CCDC33: variants seen among roughly 807,000 people sequenced by gnomAD.
CCDC33 encodes the protein coiled-coil domain containing 33.
Under a neutral mutation model 91.9 loss-of-function variants are expected in CCDC33, and 94 were observed. The observed-to-expected ratio is 1.02, with a 90% CI of 0.87 to 1.21. CCDC33 has a LOEUF of 1.21. CCDC33 is among the 50% of genes most tolerant of loss of function. The pLI is 0.00. For missense variants in CCDC33, 940 were observed against 935.5 expected (o/e 1.00, Z -0.06); for synonymous variants, 396 against 374.5 (o/e 1.06, Z -0.66).
At chr15:74,224,129 C>T (rs1184501706) in intron 2 of CCDC33, among the ~76,000 whole-genome samples, 4 of 152,100 alleles carry the variant, frequency 2.6e-5, no homozygotes, top group East Asian at 1.9e-4. Context: ...GGGTGCAGAC[C>T]GGCACCATGG....
intron 5 of CCDC33, 34 bp downstream of exon 5, chr15:74,268,492 G>GC (rs776757144): frequency 6.8e-7 from 1 of 1,479,362 alleles, no homozygotes; most frequent in South Asian, 1.2e-5. Context: ...GGTGGTGGTG[G>GC]GGGTGGGAAA....
At chr15:74,300,734 GA>G (rs997282798) in intron 11 of CCDC33, 3 of 152,390 alleles carry the variant, frequency 2.0e-5, no homozygotes, top group Non-Finnish European at 4.4e-5. Context: ...GAGTGGAGAA[GA>G]GGAGGTCTAT....
At chr15:74,329,386 G>A (rs1408213695) in intron 11 of CCDC33, among the ~76,000 whole-genome samples, 1 of 152,146 alleles carries the variant, frequency 6.6e-6, no homozygotes, top group East Asian at 1.9e-4. Context: ...AATCAGTCTT[G>A]TAACTGAGCA....
intron 1 of CCDC33, chr15:74,208,051 A>C: frequency 7.6e-7 from 1 of 1,312,238 alleles, no homozygotes; most frequent in Non-Finnish European, 9.8e-7. Context: ...CATCATCATA[A>C]CATAAAGGAT....
chr15:74,233,841 C>A (rs1566955619), upstream of CCDC33, among the ~76,000 whole-genome samples: 1 of 152,228 alleles, frequency 6.6e-6, no homozygotes, highest in Non-Finnish European at 1.5e-5. Flanking sequence ...CAGCTTTGAG[C>A]TGCCATTTGC....
chr15:74,332,716 T>C lies in CCDC33; in HGVS notation c.1809T>C (p.Gly603=). The C allele has an allele frequency of 1.2e-6, 2 of 1,614,166 alleles. No individual in the cohort carries two copies. The highest frequency in any genetic ancestry group is 1.7e-6 in the Non-Finnish European group (2 of 1,180,012). The change falls in exon 16 of 19, where the codon GGT becomes GGC. Residue 603 remains glycine (G), a synonymous_variant. Transcript: ENST00000398814. ...PMLSASGLPL[G]SMGENLPVEL... The stretch of plus-strand genomic sequence containing the variant: ...TCTCAGCCTCTGGCCTTCCCTTGGG[T>C]TCTATGGGAGAGAACCTGCCGGTTG...
rs1181134422 is a variant in CCDC33, at chr15:74,332,760, T to C, written c.1853T>C (p.Leu618Pro). Residue 618 changes from leucine to proline, a missense_variant, in exon 16 of 19, where the codon CTG becomes CCG. By Grantham distance (98) the Leu-to-Pro change is moderately conservative. Coordinates refer to ENST00000398814, the MANE Select transcript of CCDC33 (RefSeq NM_025055.5). Reference sequence around the variant, plus strand: ...CCGGTTGAACTTTACTCGGTGCTGCTGGCAGAAAACGCGAAGCTGCGGACG... The same window carrying C: ...CCGGTTGAACTTTACTCGGTGCTGCCGGCAGAAAACGCGAAGCTGCGGACG... Reference protein sequence around the residue: ...NLPVELYSVLLAENAKLRTEL... With the variant: ...NLPVELYSVLPAENAKLRTEL... 2.5e-6 allele frequency: 4 copies of C among 1,614,224 alleles called. No individual in the cohort carries two copies. Among genetic ancestry groups the C allele is most frequent in the South Asian group, 2.2e-5 (2 of 91,088 alleles).
intron 1 of CCDC33, among the ~76,000 whole-genome samples, chr15:74,241,715 G>A (rs1201498751): frequency 6.6e-6 from 1 of 152,220 alleles, no homozygotes; most frequent in Non-Finnish European, 1.5e-5. Context: ...AGGCGAGTCG[G>A]GACATACAGG....
At chr15:74,220,768 G>T (rs910875372) in intron 2 of CCDC33, among the ~76,000 whole-genome samples, 3 of 152,220 alleles carry the variant, frequency 2.0e-5, no homozygotes, top group South Asian at 2.1e-4. Context: ...TTCCCTGGGG[G>T]AGAGTGGGGG....
At chr15:74,271,138 G>GA in intron 5 of CCDC33, among the ~76,000 whole-genome samples, 1 of 152,262 alleles carries the variant, frequency 6.6e-6, no homozygotes, top group South Asian at 2.1e-4. Flanking sequence ...TGATGGGCAC[G>GA]AGGGAGGCAA....
intron 10 of CCDC33, 47 bp downstream of exon 10, chr15:74,281,896 A>G (rs1316859381): frequency 6.6e-7 from 1 of 1,524,896 alleles, no homozygotes; most frequent in Non-Finnish European, 9.1e-7. Flanking sequence ...GGCACATGTC[A>G]GTGAGATCCA....
chr15:74,209,451 G>A (rs1419260090), exon 2 of CCDC33: 5 of 1,535,310 alleles, frequency 3.3e-6, no homozygotes, highest in Non-Finnish European at 4.4e-6. Context: ...AACCGGATCT[G>A]CATCCTGCTG....
chr15:74,262,962 C>T (rs1232977166), intron 3 of CCDC33, among the ~76,000 whole-genome samples: 7 of 152,188 alleles, frequency 4.6e-5, no homozygotes, highest in African/African-American at 9.7e-5. Context: ...CTTAAGAGAA[C>T]ATCGAGGTTC....
chr15:74,270,567 T>C (rs1322362812), intron 5 of CCDC33, among the ~76,000 whole-genome samples: 1 of 151,138 alleles, frequency 6.6e-6, no homozygotes, highest in Non-Finnish European at 1.5e-5. Flanking sequence ...GGAACAGAAG[T>C]GGAGAGGCTA....
At chr15:74,228,434 G>A (rs28583789) in intron 2 of CCDC33, among the ~76,000 whole-genome samples, 1,653 of 152,326 alleles carry the variant, frequency 0.011, 24 homozygotes, top group African/African-American at 0.038. Context: ...GGCCATTCTC[G>A]TGACGCCGAG....
intron 6 of CCDC33, among the ~76,000 whole-genome samples, chr15:74,272,433 A>G (rs886524339): frequency 1.3e-5 from 2 of 152,030 alleles, no homozygotes; most frequent in Non-Finnish European, 2.9e-5. Context: ...TTCCCCTATG[A>G]ACGTGTGCTC....
At chr15:74,304,912 C>T (rs1289874399) in intron 11 of CCDC33, among the ~76,000 whole-genome samples, 1 of 152,024 alleles carries the variant, frequency 6.6e-6, no homozygotes, top group Non-Finnish European at 1.5e-5. Flanking sequence ...CCCAAGACCC[C>T]CGAATGGGCC....
At chr15:74,330,591 C>A in intron 12 of CCDC33, 72 bp from the exon 13 acceptor site, 1 of 1,295,314 alleles carries the variant, frequency 7.7e-7, no homozygotes, top group South Asian at 1.2e-5. Context: ...ATCTGCCTTC[C>A]TGCTACTGAC....
At chr15:74,221,216 GTTTTTTT>G (rs56039521) in intron 2 of CCDC33, 625 of 675,886 alleles carry the variant, frequency 9.2e-4, no homozygotes, top group African/African-American at 3.5e-3. Flanking sequence ...TGTGGCACTG[GTTTTTTT>G]TTTTTTTTTT....
Sources: allele counts gnomAD v4.1 joint callset (sites outside exome capture counted in the v4.1 genomes callset), GRCh38; gene constraint gnomAD v4.1.1; transcripts MANE v1.5; gene names NCBI Gene and HGNC (gene_info 2026-07-23, HGNC 2026-07-21).